The following AGO3 variants were observed in gnomAD, a reference collection of about 807,000 sequenced individuals.
AGO3 encodes protein argonaute-3.
A neutral mutation model predicts 105.5 loss-of-function variants in AGO3; 16 were observed. That is an observed-to-expected ratio of 0.15 (90% CI 0.10 to 0.23). AGO3 has a LOEUF of 0.23. Among genes scored for constraint, AGO3 ranks in the 10% least tolerant of loss-of-function variants. The pLI is 1.00. For missense variants in AGO3, 534 were observed against 1,088.0 expected (o/e 0.49, Z 7.16); for synonymous variants, 340 against 367.3 (o/e 0.93, Z 0.85).
chr1:36,048,957 T>A (rs1642587189), intron 17 of AGO3, among the ~76,000 whole-genome samples: 1 of 152,198 alleles, frequency 6.6e-6, no homozygotes, highest in African/African-American at 2.4e-5. Context: ...TCCACCTGCC[T>A]CATCCTTCCA....
chr1:36,048,815 G>A (rs1159160211), intron 17 of AGO3, among the ~76,000 whole-genome samples: 3 of 152,106 alleles, frequency 2.0e-5, no homozygotes, highest in Non-Finnish European at 4.4e-5. Context: ...CCAGCCTCCT[G>A]CATGGCTGGG....
intron 5 of AGO3, chr1:35,982,565 G>T: frequency 1.4e-6 from 1 of 701,786 alleles, no homozygotes. Context: ...CCTTTAGATA[G>T]GGATACTTCA....
At chr1:36,036,525 A>C (rs570444678) in intron 14 of AGO3, among the ~76,000 whole-genome samples, 1 of 151,996 alleles carries the variant, frequency 6.6e-6, no homozygotes, top group East Asian at 1.9e-4. Flanking sequence ...ATGATTATGC[A>C]TTTTTAGTTA....
intron 14 of AGO3, among the ~76,000 whole-genome samples, chr1:36,036,795 A>G (rs1337684037): frequency 6.6e-6 from 1 of 152,074 alleles, no homozygotes; most frequent in African/African-American, 2.4e-5. Flanking sequence ...CCCAGGTTCA[A>G]GCGATTATCC....
At chr1:36,038,142 G>A (rs1642090557) in intron 14 of AGO3, among the ~76,000 whole-genome samples, 2 of 151,648 alleles carry the variant, frequency 1.3e-5, no homozygotes, top group South Asian at 4.1e-4. Context: ...AACCTGGTGT[G>A]TTTTGGGAAT....
At position 36,040,314 on chromosome 1, in the gene AGO3, A is replaced by G. The variant is rs1490362748; in HGVS notation, c.2045A>G (p.Tyr682Cys). 2 of 1,613,108 alleles carry G rather than the reference A, an allele frequency of 1.2e-6. No homozygotes were observed. The highest frequency in any genetic ancestry group is 1.7e-5 in the Admixed American group (1 of 60,020). ...VSEGQFRQVL[Y>C]YELLAIREAC... is the part of the protein sequence containing the mutation. ...CCATTTCATATTCTCTAGGTATTAT[A>G]TTATGAACTACTAGCAATTCGAGAA... The change falls in exon 16 of 19, where the codon TAT (tyrosine) becomes TGT (cysteine). Residue 682 changes from tyrosine to cysteine, a missense_variant. Tyr to Cys is a radical substitution (Grantham distance 194). Transcript: ENST00000373191.
At chr1:35,954,159 A>G (rs992687452) in intron 2 of AGO3, among the ~76,000 whole-genome samples, 3 of 152,224 alleles carry the variant, frequency 2.0e-5, no homozygotes, top group Non-Finnish European at 1.5e-5. Context: ...TATACAAAAT[A>G]TGTCAGCTAA....
intron 17 of AGO3, among the ~76,000 whole-genome samples, chr1:36,048,812 C>G (rs533622243): frequency 1.3e-5 from 2 of 152,190 alleles, no homozygotes; most frequent in Non-Finnish European, 2.9e-5. Context: ...GCCCCAGCCT[C>G]CTGCATGGCT....
Position 35,931,259 on chromosome 1 carries a change from C to T in AGO3, c.-168C>T. On this transcript the variant is annotated 5_prime_UTR_variant, in exon 1 of 19. Coordinates refer to ENST00000373191, the MANE Select transcript of AGO3 (RefSeq NM_024852.4). ...TGCCGTTTTCCGTCCGCGACTCTTC[C>T]GGCCCAGAGCTTTCGGAGTGCGGTT... 4.0e-6 allele frequency: 2 copies of T among 494,472 alleles called. No homozygotes were observed. The highest frequency in any genetic ancestry group is 7.0e-6 in the Non-Finnish European group (2 of 287,338). 30.6% of individuals were successfully genotyped at this position (494,472 alleles called of 1,614,324 possible).
chr1:36,009,089 C>CTTTTTTTTTTTTTTTTTTTT (rs374906246), intron 8 of AGO3, 45 bp downstream of exon 8: 2 of 1,474,646 alleles, frequency 1.4e-6, no homozygotes. Flanking sequence ...GTTCATGATT[C>CTTTTTTTTTTTTTTTTTTTT]TTTTGGGGTC....
intron 11 of AGO3, among the ~76,000 whole-genome samples, chr1:36,024,547 CAG>C (rs368469547): frequency 2.0e-5 from 3 of 152,264 alleles, no homozygotes; most frequent in East Asian, 1.9e-4. Flanking sequence ...GACACAGTCT[CAG>C]GGGTTTCTGC....
rs146621290 is a variant in AGO3 at position 35,961,407 on chromosome 1, A to G, written c.192-5548A>G. Among the ~76,000 whole-genome samples, 331 of 152,298 alleles carry G rather than the reference A, an allele frequency of 2.2e-3. 3 individuals carry two copies. The highest frequency in any genetic ancestry group is 7.5e-3 in the African/African-American group (310 of 41,572). Reference sequence around the variant, plus strand: ...ACTCAGGTACTTTATAAGGTAGTGTAATTTACTTTTGAATAACTCTGGTGG... The same window carrying G: ...ACTCAGGTACTTTATAAGGTAGTGTGATTTACTTTTGAATAACTCTGGTGG... On this transcript the variant is annotated intron_variant, in intron 2 of 18. Coordinates refer to ENST00000373191, the MANE Select transcript of AGO3 (RefSeq NM_024852.4).
Position 36,029,643 on chromosome 1 carries a change from G to A in AGO3, c.1591+2345G>A, listed in dbSNP as rs572767074. 2.0e-4 allele frequency among the ~76,000 whole-genome samples: 30 copies of A among 149,750 alleles called. No individual in the cohort carries two copies. The East Asian group carries it at 4.8e-3, about 24-fold the overall frequency. ...AATCTCATGACCTTGTGATCCTCCC[G>A]CCTCAGCCTCCCAAAGTGCTGGGAT... On this transcript the variant is annotated intron_variant, in intron 12 of 18. Transcript: ENST00000373191.
At chr1:36,049,859 A>T (rs1027615811) in intron 17 of AGO3, among the ~76,000 whole-genome samples, 9 of 152,218 alleles carry the variant, frequency 5.9e-5, no homozygotes, top group African/African-American at 2.2e-4. Flanking sequence ...TACCAAGAGG[A>T]TATAACAGTT....
At chr1:35,971,123 T>G (rs1368405803) in intron 3 of AGO3, among the ~76,000 whole-genome samples, 1 of 143,310 alleles carries the variant, frequency 7.0e-6, no homozygotes, top group African/African-American at 2.6e-5. Context: ...AAATTTATAT[T>G]ATAAATTATA....
At chr1:35,947,617 G>A (rs1344177063) in intron 2 of AGO3, among the ~76,000 whole-genome samples, 1 of 152,164 alleles carries the variant, frequency 6.6e-6, no homozygotes, top group African/African-American at 2.4e-5. Flanking sequence ...GTGTGATGGT[G>A]GGGGACAGGA....
intron 5 of AGO3, among the ~76,000 whole-genome samples, chr1:35,985,537 G>A (rs1647153849): frequency 6.6e-6 from 1 of 152,190 alleles, no homozygotes; most frequent in African/African-American, 2.4e-5. Flanking sequence ...AATATCTGAT[G>A]TAGTGTTTCA....
At chr1:36,015,145 T>A (rs1352042233) in intron 11 of AGO3, among the ~76,000 whole-genome samples, 1 of 152,194 alleles carries the variant, frequency 6.6e-6, no homozygotes, top group Non-Finnish European at 1.5e-5. Flanking sequence ...CCTCTGGTCA[T>A]GGGTTCCCAT....
In AGO3 at chr1:35,978,481, C is replaced by T. The variant is rs681305; in HGVS notation, c.658+4970C>T. On this transcript the variant is annotated intron_variant, in intron 5 of 18. Transcript: ENST00000373191. ...TGCTGGGATTACAGGCGTGAGCCACCGCATCTGGCCTGAAAACAATTTTTT... is the reference window on the plus strand; with the variant it reads ...TGCTGGGATTACAGGCGTGAGCCACTGCATCTGGCCTGAAAACAATTTTTT... Among the ~76,000 whole-genome samples the T allele has an allele frequency of 2.3e-3, 346 of 152,278 alleles. 3 individuals are homozygous for T. The highest frequency in any genetic ancestry group is 5.1e-3 in the African/African-American group (212 of 41,544).
Sources: gnomAD v4.1 joint callset for allele counts (sites outside exome capture counted in the v4.1 genomes callset) on GRCh38, gnomAD v4.1.1 for gene constraint, MANE v1.5 for transcripts, NCBI Gene and HGNC (gene_info 2026-07-23, HGNC 2026-07-21) for gene names.